TJP2: variants seen among roughly 807,000 people sequenced by gnomAD.
TJP2 encodes tight junction protein 2, also known as Friedreich ataxia region gene X104 (tight junction protein ZO-2).
TJP2 carries 91 observed loss-of-function variants against 133.1 expected under a neutral mutation model. That is an observed-to-expected ratio of 0.68 (90% confidence interval 0.58 to 0.81). The LOEUF (loss-of-function observed/expected upper bound fraction) is 0.81. Among genes scored for constraint, TJP2 ranks in the 40% least tolerant of loss-of-function variants. The pLI is 0.00. For synonymous variants in TJP2, 592 were observed against 583.4 expected (o/e 1.01, Z -0.21); for missense variants, 1,541 against 1,565.6 (o/e 0.98, Z 0.26).
chr9:69,161,522 C>T (rs560541928), intron 2 of TJP2, among the ~76,000 whole-genome samples: 2 of 152,062 alleles, frequency 1.3e-5, no homozygotes, highest in Non-Finnish European at 2.9e-5. Context: ...CCACTGCGCC[C>T]GGCCTGATCT....
chr9:69,165,453 G>A (rs1468693491), intron 2 of TJP2, among the ~76,000 whole-genome samples: 1 of 152,056 alleles, frequency 6.6e-6, no homozygotes, highest in Non-Finnish European at 1.5e-5. Context: ...GATTCCATCT[G>A]CTTGAGGACA....
chr9:69,211,502 C>G (rs1375308246), intron 1 of TJP2, among the ~76,000 whole-genome samples: 1 of 152,166 alleles, frequency 6.6e-6, no homozygotes, highest in Non-Finnish European at 1.5e-5. Context: ...GGGCTCATTT[C>G]CTTGGATACA....
chr9:69,180,302 G>C (rs987953237), intron 1 of TJP2, among the ~76,000 whole-genome samples: 10 of 152,206 alleles, frequency 6.6e-5, no homozygotes, highest in African/African-American at 2.4e-4. Context: ...TGGTGGAGAC[G>C]TGAGAACATT....
Position 69,189,002 on chromosome 9 carries a change from A to G in TJP2, c.60+14570A>G, listed in dbSNP as rs76971948. 2.2e-3 allele frequency among the ~76,000 whole-genome samples: 340 copies of G among 152,344 alleles called. 2 individuals are homozygous for G. The highest frequency in any genetic ancestry group is 7.8e-3 in the African/African-American group (323 of 41,572). ...TCCATTGCAAGTTACCTTGGGGTCAAAGTACATCCCCTAAAACATCAAATA... is the reference window on the plus strand; with the variant it reads ...TCCATTGCAAGTTACCTTGGGGTCAGAGTACATCCCCTAAAACATCAAATA... On this transcript the variant is annotated intron_variant, in intron 1 of 22. Coordinates refer to ENST00000377245, the MANE Select transcript of TJP2 (RefSeq NM_004817.4).
chr9:69,128,523 CA>C (rs200124473), intron 1 of TJP2, among the ~76,000 whole-genome samples: 3,351 of 101,232 alleles, frequency 0.033, 142 homozygotes, highest in African/African-American at 0.12. Context: ...CTTATTAGAC[CA>C]TTTTTTTTTT....
chr9:69,140,910 G>A (rs1470831552), intron 1 of TJP2, among the ~76,000 whole-genome samples: 2 of 152,162 alleles, frequency 1.3e-5, no homozygotes, highest in African/African-American at 2.4e-5. Flanking sequence ...GCAGTGGTGC[G>A]ATCTTGGCTC....
At position 69,238,711 on chromosome 9, in the gene TJP2, A is replaced by C. The variant is rs144429323; in HGVS notation, c.2277A>C (p.Lys759Asn). The C allele has an allele frequency of 3.4e-5, 55 of 1,613,660 alleles. No individual in the cohort carries two copies. The African/African-American group carries it at 5.9e-4, about 17-fold the overall frequency. ...AGCTTCCTGTTTTTGCTTTTGCAGAAACGGAACCAAAAGATGCAGGATCTG... is the reference window on the plus strand; with the variant it reads ...AGCTTCCTGTTTTTGCTTTTGCAGACACGGAACCAAAAGATGCAGGATCTG... ...NELPDWFQTA[K>N]TEPKDAGSEK... is the part of the protein sequence containing the mutation. The change falls in exon 16 of 23, where the codon AAA (lysine) becomes AAC (asparagine). Residue 759 changes from lysine (K) to asparagine (N), a missense_variant and splice_region_variant. Lys to Asn is a moderately conservative substitution (Grantham distance 94). Transcript: ENST00000377245.
intron 4 of TJP2, among the ~76,000 whole-genome samples, chr9:69,218,830 C>T (rs1332110231): frequency 2.6e-5 from 4 of 152,106 alleles, no homozygotes; most frequent in South Asian, 4.1e-4. Flanking sequence ...GCCATTAGGC[C>T]CTGGGGCCAA....
chr9:69,150,085 G>A (rs938323760), intron 1 of TJP2, among the ~76,000 whole-genome samples: 2 of 151,962 alleles, frequency 1.3e-5, no homozygotes, highest in Non-Finnish European at 2.9e-5. Flanking sequence ...AGGAGGCGGT[G>A]GTTGCAGTGA....
chr9:69,174,374 T>TGCCGGTGC lies in TJP2; in HGVS notation c.4_11dup (p.Gly5_?4), dbSNP rs1323771026. 10 of 1,551,688 alleles carry TGCCGGTGC rather than the reference T, an allele frequency of 6.4e-6. No homozygotes were observed. The South Asian group carries it at 1.2e-4, about 18-fold the overall frequency. ...GCCTACGCGGGACCTGTGTCCGAAA[T>TGCCGGTGC]GCCGGTGCGAGGAGACCGCGGGTTT... On this transcript the variant is annotated frameshift_variant and start_lost, in exon 1 of 23. Coordinates refer to ENST00000377245, the MANE Select transcript of TJP2 (RefSeq NM_004817.4). LOFTEE classifies it high-confidence loss of function.
At chr9:69,144,521 G>A (rs1363068429) in intron 1 of TJP2, among the ~76,000 whole-genome samples, 1 of 152,194 alleles carries the variant, frequency 6.6e-6, no homozygotes, top group Non-Finnish European at 1.5e-5. Context: ...ATAGCTTGAA[G>A]AAGTTGGTGA....
chr9:69,166,433 AAC>A (rs1824362767), intron 2 of TJP2, among the ~76,000 whole-genome samples: 1 of 151,024 alleles, frequency 6.6e-6, no homozygotes, highest in African/African-American at 2.4e-5. Flanking sequence ...TAAACAGTAA[AAC>A]AGTTTTAAAC....
chr9:69,151,871 C>T, intron 2 of TJP2: 1 of 1,162,244 alleles, frequency 8.6e-7, no homozygotes, highest in Non-Finnish European at 1.1e-6. Flanking sequence ...GTCAGAGTTA[C>T]CATTTTTGAT....
At chr9:69,226,988 G>A (rs1157800753) in intron 7 of TJP2, among the ~76,000 whole-genome samples, 1 of 152,076 alleles carries the variant, frequency 6.6e-6, no homozygotes, top group Non-Finnish European at 1.5e-5. Flanking sequence ...ATTATACATA[G>A]GATAACATTT....
intron 5 of TJP2, 28 bp from the exon 6 acceptor site, chr9:69,225,276 C>A (rs375972558): frequency 7.1e-7 from 1 of 1,411,336 alleles, no homozygotes; most frequent in South Asian, 1.2e-5. Flanking sequence ...TGATAACATA[C>A]GTGTATGTTT....
At chr9:69,166,745 G>A (rs1445944069) in intron 2 of TJP2, among the ~76,000 whole-genome samples, 3 of 151,946 alleles carry the variant, frequency 2.0e-5, no homozygotes, top group Non-Finnish European at 2.9e-5. Context: ...GATTACAGGC[G>A]TGAGCCACCG....
chr9:69,234,398 C>T (rs866160368), intron 11 of TJP2, 41 bp from the exon 12 acceptor site: 62 of 982,916 alleles, frequency 6.3e-5, no homozygotes, highest in African/African-American at 3.9e-4. Context: ...TTCTTTCTTT[C>T]TTTTTTTTTT....
At chr9:69,230,429 A>G (rs1462115057) in intron 11 of TJP2, among the ~76,000 whole-genome samples, 197 bp downstream of exon 11, 2 of 152,228 alleles carry the variant, frequency 1.3e-5, no homozygotes, top group African/African-American at 2.4e-5. Context: ...GAACTCATCC[A>G]TGTATCTGTG....
At chr9:69,143,485 G>A (rs535364247) in intron 1 of TJP2, among the ~76,000 whole-genome samples, 10 of 152,276 alleles carry the variant, frequency 6.6e-5, no homozygotes, top group African/African-American at 2.4e-4. Context: ...AGGGCTGTAT[G>A]GGACCTTTAC....
Sources: allele counts gnomAD v4.1 joint callset (sites outside exome capture counted in the v4.1 genomes callset), GRCh38; gene constraint gnomAD v4.1.1; transcripts MANE v1.5; gene names NCBI Gene and HGNC (gene_info 2026-07-23, HGNC 2026-07-21).